Variants in PRIM2 observed in about 807,000 individuals in gnomAD.
PRIM2 encodes the protein DNA primase subunit 2.
In PRIM2, 39 loss-of-function variants were observed where a neutral mutation model predicts 67.3. The observed-to-expected ratio is 0.58, with a 90% confidence interval of 0.45 to 0.76. The LOEUF is 0.76. PRIM2 is among the 30% of genes least tolerant of loss of function. PRIM2 has a pLI of 0.00. For missense variants in PRIM2, 398 were observed against 598.7 expected (o/e 0.66, Z 3.50); for synonymous variants, 143 against 198.7 (o/e 0.72, Z 2.36).
intron 7 of PRIM2, among the ~76,000 whole-genome samples, chr6:57,489,216 T>G (rs1333721070): frequency 2.6e-5 from 4 of 152,248 alleles, no homozygotes; most frequent in Non-Finnish European, 5.9e-5. Context: ...CAACTGTATT[T>G]GAGATTTGTT....
intron 5 of PRIM2, among the ~76,000 whole-genome samples, chr6:57,329,047 C>T (rs1178376206): frequency 2.6e-5 from 4 of 151,660 alleles, no homozygotes; most frequent in Admixed American, 1.3e-4. Context: ...GGATACAAGT[C>T]CATTATCAGA....
the PRIM2 span, among the ~76,000 whole-genome samples, chr6:57,300,355 A>G: frequency 6.6e-6 from 1 of 152,168 alleles, no homozygotes; most frequent in Non-Finnish European, 1.5e-5. Flanking sequence ...CAGATCTAGA[A>G]TAGAATAAAC....
chr6:57,256,013 A>G, the PRIM2 span, among the ~76,000 whole-genome samples: 24 of 116,388 alleles, frequency 2.1e-4, no homozygotes, highest in African/African-American at 9.4e-4. Flanking sequence ...AGACACGCAC[A>G]CACACACACA....
chr6:57,643,477 T>C (rs1475874064), intron 13 of PRIM2, among the ~76,000 whole-genome samples: 2 of 152,216 alleles, frequency 1.3e-5, no homozygotes, highest in African/African-American at 4.8e-5. Flanking sequence ...TAGGCCTCTG[T>C]ACATGGAGGA....
At chr6:57,296,140 G>T in the PRIM2 span, among the ~76,000 whole-genome samples, 1 of 152,200 alleles carries the variant, frequency 6.6e-6, no homozygotes, top group East Asian at 1.9e-4. Flanking sequence ...AGAAGAAAAA[G>T]AACAAATCTC....
At chr6:57,345,165 A>AT (rs5876535) in intron 5 of PRIM2, among the ~76,000 whole-genome samples, 45 of 147,872 alleles carry the variant, frequency 3.0e-4, no homozygotes, top group South Asian at 8.6e-4. Context: ...AATTTTATTA[A>AT]TTTTTTTTTT....
At chr6:57,456,542 T>G (rs1455251267) in intron 7 of PRIM2, among the ~76,000 whole-genome samples, 5 of 152,226 alleles carry the variant, frequency 3.3e-5, no homozygotes, top group African/African-American at 4.8e-5. Flanking sequence ...CATTTGATTT[T>G]CCATCACTAA....
At chr6:57,440,346 A>G (rs1246127314) in intron 7 of PRIM2, among the ~76,000 whole-genome samples, 2 of 151,996 alleles carry the variant, frequency 1.3e-5, no homozygotes, top group Admixed American at 6.6e-5. Context: ...CTGCAGTGTT[A>G]TAGTGTGATC....
chr6:57,466,022 C>T (rs1216509105), intron 7 of PRIM2, among the ~76,000 whole-genome samples: 1 of 151,548 alleles, frequency 6.6e-6, no homozygotes, highest in African/African-American at 2.4e-5. Flanking sequence ...CTCCCTGTGT[C>T]CATGTGTTCT....
chr6:57,391,859 CA>C (rs1186024260), intron 7 of PRIM2, among the ~76,000 whole-genome samples: 1 of 152,042 alleles, frequency 6.6e-6, no homozygotes, highest in African/African-American at 2.4e-5. Context: ...TTTTTAGTTT[CA>C]TATGAACTTT....
At chr6:57,412,833 A>G (rs1306374821) in intron 7 of PRIM2, among the ~76,000 whole-genome samples, 2 of 152,114 alleles carry the variant, frequency 1.3e-5, no homozygotes, top group East Asian at 1.9e-4. Context: ...ATAAGGCTAT[A>G]TAAAATCTGT....
chr6:57,336,139 C>T (rs192042952), intron 5 of PRIM2, among the ~76,000 whole-genome samples: 3,892 of 151,900 alleles, frequency 0.026, 152 homozygotes, highest in African/African-American at 0.088. Context: ...TGAAATGAAG[C>T]GAGAAGGGAA....
the PRIM2 span, among the ~76,000 whole-genome samples, chr6:57,243,638 TTTTTTA>T: frequency 6.6e-6 from 1 of 152,102 alleles, no homozygotes; most frequent in African/African-American, 2.4e-5. Flanking sequence ...CCCGACTCTT[TTTTTTA>T]TTTTTATTTT....
intron 13 of PRIM2, among the ~76,000 whole-genome samples, chr6:57,637,089 C>A (rs2127500565): frequency 6.6e-6 from 1 of 152,336 alleles, no homozygotes; most frequent in African/African-American, 2.4e-5. Flanking sequence ...GTTCTGCAGC[C>A]TCCACTGGTG....
chr6:57,587,688 AAAAAAAG>A (rs1246819213), intron 10 of PRIM2, among the ~76,000 whole-genome samples: 35 of 147,728 alleles, frequency 2.4e-4, no homozygotes, highest in African/African-American at 9.1e-4. Context: ...AAAAAAAAAA[AAAAAAAG>A]GCAGAACACA....
the PRIM2 span, among the ~76,000 whole-genome samples, chr6:57,278,062 C>T: frequency 6.6e-6 from 1 of 151,986 alleles, no homozygotes; most frequent in African/African-American, 2.4e-5. Context: ...CACGGTAGCT[C>T]ATGCCTATAA....
At chr6:57,348,492 A>G (rs1209392715) in intron 5 of PRIM2, among the ~76,000 whole-genome samples, 14 of 152,324 alleles carry the variant, frequency 9.2e-5, no homozygotes, top group African/African-American at 3.4e-4. Flanking sequence ...GAGAGATGCC[A>G]TAGAGGAAAG....
At position 57,417,302 on chromosome 6, in the gene PRIM2, G is replaced by C. The variant is rs1453698790; in HGVS notation, c.693+35134G>C. 2.0e-5 allele frequency among the ~76,000 whole-genome samples: 3 copies of C among 152,096 alleles called. No homozygotes were observed. In the East Asian group the frequency reaches 5.8e-4, roughly 29 times the overall value. On this transcript the variant is annotated intron_variant, in intron 7 of 13. Coordinates refer to ENST00000615550, the MANE Select transcript of PRIM2 (RefSeq NM_000947.5). ...TATCATTTATGTGTTAACTGGATTA[G>C]CACTTTGAATTTCCTTCAGGAACTT...
intron 8 of PRIM2, among the ~76,000 whole-genome samples, chr6:57,511,696 T>G (rs1223878299): frequency 6.6e-6 from 1 of 152,016 alleles, no homozygotes; most frequent in Non-Finnish European, 1.5e-5. Context: ...AACTGTAATC[T>G]CACTTGAGGG....
Sources: allele counts gnomAD v4.1 joint callset (sites outside exome capture counted in the v4.1 genomes callset), GRCh38; gene constraint gnomAD v4.1.1; transcripts MANE v1.5; gene names NCBI Gene and HGNC (gene_info 2026-07-23, HGNC 2026-07-21).